Variants in IL1RAPL1 observed in about 807,000 individuals in gnomAD.
The protein encoded by IL1RAPL1 is interleukin 1 receptor accessory protein like 1.
IL1RAPL1 carries 3 observed loss-of-function variants against 48.4 expected under a neutral mutation model. The ratio of observed to expected loss-of-function variants is 0.06; its 90% confidence interval spans 0.03 to 0.16. The LOEUF is 0.16. IL1RAPL1 is among the 10% of genes least tolerant of loss of function. The pLI is 1.00. For missense variants in IL1RAPL1, 349 were observed against 530.6 expected (o/e 0.66, Z 3.36); for synonymous variants, 185 against 187.7 (o/e 0.99, Z 0.12).
intron 6 of IL1RAPL1, among the ~76,000 whole-genome samples, chrX:29,747,369 G>A (rs1928358675): frequency 8.9e-6 from 1 of 112,701 alleles, no homozygotes; most frequent in South Asian, 3.6e-4. Context: ...CCAATTAACA[G>A]TAAATTCCAA....
At chrX:28,924,049 G>C (rs1923678763) in intron 2 of IL1RAPL1, 1 of 111,472 alleles carries the variant, frequency 9.0e-6, no homozygotes. Context: ...TCAATTTGTA[G>C]TTCCCTCACT....
At chrX:29,557,037 A>G (rs970389766) in intron 5 of IL1RAPL1, among the ~76,000 whole-genome samples, 1 of 112,061 alleles carries the variant, frequency 8.9e-6, no homozygotes, top group Admixed American at 9.5e-5. Flanking sequence ...TCCTAAAAAT[A>G]TTATAGTACT....
intron 2 of IL1RAPL1, among the ~76,000 whole-genome samples, chrX:29,135,288 C>T (rs769543804): frequency 3.6e-5 from 4 of 111,502 alleles, no homozygotes; most frequent in South Asian, 3.7e-4. Context: ...ATTGTATTTC[C>T]GAGATGTAGT....
At chrX:29,940,574 G>C (rs1933110632) in intron 8 of IL1RAPL1, among the ~76,000 whole-genome samples, 1 of 112,187 alleles carries the variant, frequency 8.9e-6, no homozygotes, top group Non-Finnish European at 1.9e-5. Context: ...CTACCCATCA[G>C]TAACAACATT....
At chrX:29,299,145 A>T (rs1932495242) in intron 3 of IL1RAPL1, among the ~76,000 whole-genome samples, 1 of 110,467 alleles carries the variant, frequency 9.1e-6, no homozygotes, top group South Asian at 3.9e-4. Context: ...CTGCCCTCAA[A>T]TATTGGACTC....
intron 6 of IL1RAPL1, among the ~76,000 whole-genome samples, chrX:29,776,726 G>T (rs1280834394): frequency 9.0e-6 from 1 of 111,547 alleles, no homozygotes; most frequent in Non-Finnish European, 1.9e-5. Flanking sequence ...TTGATCAGCT[G>T]TGGGTGCCCT....
chrX:29,453,417 G>T (rs1292545387), intron 5 of IL1RAPL1, among the ~76,000 whole-genome samples: 1 of 111,537 alleles, frequency 9.0e-6, no homozygotes, highest in East Asian at 2.8e-4. Context: ...ACGATTCCAA[G>T]ACACATACAT....
At chrX:29,219,803 C>T (rs1270904085) in intron 2 of IL1RAPL1, among the ~76,000 whole-genome samples, 3 of 111,062 alleles carry the variant, frequency 2.7e-5, no homozygotes, top group African/African-American at 9.8e-5. Context: ...TCAATCACTC[C>T]AGCCTTACTT....
chrX:28,854,654 G>A (rs143316670), intron 2 of IL1RAPL1, among the ~76,000 whole-genome samples: 5 of 111,101 alleles, frequency 4.5e-5, no homozygotes, highest in African/African-American at 6.5e-5. Flanking sequence ...GAGACCAAAC[G>A]CAAAATCCTA....
intron 8 of IL1RAPL1, among the ~76,000 whole-genome samples, chrX:29,936,479 C>A (rs1481355297): frequency 2.8e-5 from 3 of 105,902 alleles, no homozygotes; most frequent in Admixed American, 1.0e-4. Flanking sequence ...CATCTAAAAT[C>A]TTCAGTTATA....
At chrX:29,752,820 A>AT (rs1177802134) in intron 6 of IL1RAPL1, among the ~76,000 whole-genome samples, 1 of 112,147 alleles carries the variant, frequency 8.9e-6, no homozygotes, top group Admixed American at 9.5e-5. Context: ...AAAGTGAGTC[A>AT]TTTATTCTTT....
At chrX:29,429,322 A>G (rs1056938761) in intron 5 of IL1RAPL1, among the ~76,000 whole-genome samples, 4 of 112,240 alleles carry the variant, frequency 3.6e-5, no homozygotes, top group African/African-American at 1.3e-4. Context: ...TAGGCCCCGA[A>G]TTAACAGCTA....
intron 5 of IL1RAPL1, among the ~76,000 whole-genome samples, chrX:29,446,815 C>G (rs1467905921): frequency 9.0e-6 from 1 of 111,237 alleles, no homozygotes; most frequent in Non-Finnish European, 1.9e-5. Context: ...GGCCTTAGAA[C>G]ATTTAAACCA....
At chrX:28,922,133 G>C (rs968588721) in intron 2 of IL1RAPL1, among the ~76,000 whole-genome samples, 2 of 111,524 alleles carry the variant, frequency 1.8e-5, no homozygotes, top group African/African-American at 6.5e-5. Context: ...AACTACCTCA[G>C]TTTCTTGTAC....
intron 2 of IL1RAPL1, among the ~76,000 whole-genome samples, chrX:29,033,233 A>G (rs774675055): frequency 1.8e-5 from 2 of 111,654 alleles, no homozygotes; most frequent in South Asian, 7.5e-4. Context: ...TCTGCCCTGA[A>G]GGACTTTGCC....
At chrX:29,241,946 A>G (rs1248516443) in intron 2 of IL1RAPL1, among the ~76,000 whole-genome samples, 1 of 111,684 alleles carries the variant, frequency 9.0e-6, no homozygotes, top group Non-Finnish European at 1.9e-5. Context: ...AGTAGGGACA[A>G]GATGGCCCAG....
At chrX:28,588,204 A>AT (rs1491427598) in intron 1 of IL1RAPL1, among the ~76,000 whole-genome samples, 157 bp downstream of exon 1, 4 of 36,226 alleles carry the variant, frequency 1.1e-4, no homozygotes, top group African/African-American at 6.6e-4. Flanking sequence ...GGGTGTGTTG[A>AT]TATGTGTGTG....
At chrX:29,802,842 C>T (rs112879048) in intron 6 of IL1RAPL1, among the ~76,000 whole-genome samples, 7,276 of 29,909 alleles carry the variant, frequency 0.24, 866 homozygotes, top group East Asian at 0.41. Context: ...TATATGTATA[C>T]ATATATGTGT....
intron 2 of IL1RAPL1, among the ~76,000 whole-genome samples, chrX:29,181,562 C>G (rs1368231461): frequency 1.8e-5 from 2 of 111,980 alleles, no homozygotes; most frequent in African/African-American, 6.5e-5. Context: ...GAAGCATTCA[C>G]TGACTAATTC....
Sources: allele counts gnomAD v4.1 joint callset (sites outside exome capture counted in the v4.1 genomes callset), GRCh38; gene constraint gnomAD v4.1.1; transcripts MANE v1.5; gene names NCBI Gene and HGNC (gene_info 2026-07-23, HGNC 2026-07-21).